Variants in EBAG9 observed in about 807,000 individuals in gnomAD.
EBAG9 encodes estrogen receptor binding site associated antigen 9.
EBAG9 carries 16 observed loss-of-function variants against 30.9 expected under a neutral mutation model. The observed-to-expected ratio is 0.52, with a 90% CI of 0.35 to 0.79. The LOEUF (loss-of-function observed/expected upper bound fraction) is 0.79, where lower values mean the gene tolerates loss of function less well. Among genes scored for constraint, EBAG9 ranks in the 30% least tolerant of loss-of-function variants. The pLI, the probability that EBAG9 is intolerant of heterozygous loss-of-function variation, is 0.01. For synonymous variants in EBAG9, 93 were observed against 82.8 expected (o/e 1.12, Z -0.67); for missense variants, 197 against 242.1 (o/e 0.81, Z 1.24).
chr8:109,561,064 T>C (rs1586695309), intron 6 of EBAG9, 135 bp downstream of exon 6: 1 of 668,786 alleles, frequency 1.5e-6, no homozygotes, highest in Non-Finnish European at 2.4e-6. Context: ...TAAGGACTTT[T>C]TTTTTTGTAT....
At chr8:109,549,135 C>A (rs1019122396) in intron 1 of EBAG9, among the ~76,000 whole-genome samples, 2 of 151,170 alleles carry the variant, frequency 1.3e-5, no homozygotes, top group Non-Finnish European at 3.0e-5. Flanking sequence ...TTGTCAAAGG[C>A]TTTTTCTGTC....
intron 6 of EBAG9, chr8:109,563,520 A>G: frequency 6.3e-7 from 1 of 1,597,244 alleles, no homozygotes; most frequent in Non-Finnish European, 8.5e-7. Flanking sequence ...GGAGTTACGG[A>G]AAGAGTAAGG....
chr8:109,541,815 G>A (rs901059467), intron 1 of EBAG9, among the ~76,000 whole-genome samples: 2 of 152,164 alleles, frequency 1.3e-5, no homozygotes, highest in Non-Finnish European at 2.9e-5. Context: ...TCATTTAGAT[G>A]AATAGGGACA....
In EBAG9 at chr8:109,560,836, A is replaced by G; in HGVS notation, c.430-2A>G. The G allele has an allele frequency of 2.5e-6, 4 of 1,608,870 alleles. No individual in the cohort carries two copies. Among genetic ancestry groups the G allele is most frequent in the Non-Finnish European group, 3.4e-6 (4 of 1,175,988 alleles). On this transcript the variant is annotated splice_acceptor_variant, in intron 5 of 6. Transcript: ENST00000337573. LOFTEE classifies it high-confidence loss of function. ...TTAATTTTGTTTTACTTTTCATTGT[A>G]GTCTGAATTAGGTGACTTAGATACC...
chr8:109,557,608 A>C (rs963464955), intron 5 of EBAG9: 1 of 451,586 alleles, frequency 2.2e-6, no homozygotes, highest in African/African-American at 2.0e-5. Flanking sequence ...GTTGTTGTGT[A>C]ACAACTCCAA....
intron 6 of EBAG9, chr8:109,563,326 C>T: frequency 6.5e-7 from 1 of 1,542,720 alleles, no homozygotes; most frequent in East Asian, 2.2e-5. Flanking sequence ...ATTCCATGCC[C>T]AATTGTGACC....
intron 1 of EBAG9, among the ~76,000 whole-genome samples, chr8:109,546,019 G>A (rs1405164328): frequency 6.6e-6 from 1 of 152,188 alleles, no homozygotes; most frequent in Non-Finnish European, 1.5e-5. Flanking sequence ...GAAATATAAA[G>A]TAAGCTATTA....
chr8:109,557,119 T>C, intron 5 of EBAG9, 77 bp downstream of exon 5: 1 of 902,060 alleles, frequency 1.1e-6, no homozygotes, highest in Non-Finnish European at 1.7e-6. Flanking sequence ...AAAATCTAAA[T>C]GAGTTTAACA....
At chr8:109,546,327 G>A (rs1821383190) in intron 1 of EBAG9, among the ~76,000 whole-genome samples, 1 of 152,114 alleles carries the variant, frequency 6.6e-6, no homozygotes, top group Non-Finnish European at 1.5e-5. Flanking sequence ...TATAATTAAA[G>A]TATACAATTT....
intron 2 of EBAG9, among the ~76,000 whole-genome samples, chr8:109,552,699 C>T (rs1586690053): frequency 6.6e-6 from 1 of 152,090 alleles, no homozygotes; most frequent in East Asian, 1.9e-4. Flanking sequence ...TAAATGTATA[C>T]ATATTTAGAA....
chr8:109,549,578 T>G (rs180914080), intron 1 of EBAG9, among the ~76,000 whole-genome samples: 255 of 152,190 alleles, frequency 1.7e-3, no homozygotes, highest in Non-Finnish European at 2.0e-3. Context: ...GTTGTTCTTC[T>G]TATGCTTTAG....
At chr8:109,549,312 A>G (rs566109846) in intron 1 of EBAG9, among the ~76,000 whole-genome samples, 10 of 152,128 alleles carry the variant, frequency 6.6e-5, no homozygotes, top group Non-Finnish European at 1.5e-4. Context: ...ATATTTGGCT[A>G]AGGAGATTTG....
At chr8:109,545,405 C>T (rs1821364403) in intron 1 of EBAG9, among the ~76,000 whole-genome samples, 1 of 147,118 alleles carries the variant, frequency 6.8e-6, no homozygotes, top group Non-Finnish European at 1.5e-5. Flanking sequence ...ACTGTGTTGC[C>T]CAGGCTGGAG....
At chr8:109,560,566 C>G (rs1201611268) in intron 5 of EBAG9, among the ~76,000 whole-genome samples, 4 of 152,076 alleles carry the variant, frequency 2.6e-5, no homozygotes, top group African/African-American at 9.7e-5. Flanking sequence ...AAATAAAGTA[C>G]AGCAAAGAAG....
chr8:109,559,827 G>A (rs1003855623), intron 5 of EBAG9, among the ~76,000 whole-genome samples: 9 of 151,398 alleles, frequency 5.9e-5, no homozygotes, highest in Non-Finnish European at 1.2e-4. Context: ...AAAAAAAAAA[G>A]GGAGAAGAAA....
chr8:109,563,281 C>CTTT (rs1471017730), intron 6 of EBAG9: 1 of 1,129,988 alleles, frequency 8.8e-7, no homozygotes, highest in African/African-American at 1.5e-5. Context: ...AGATAATCCA[C>CTTT]TTTGGATTTT....
intron 5 of EBAG9, among the ~76,000 whole-genome samples, chr8:109,558,478 T>G (rs1821647382): frequency 6.6e-6 from 1 of 152,182 alleles, no homozygotes; most frequent in Non-Finnish European, 1.5e-5. Context: ...TATTCATAAA[T>G]GTTTGATCCA....
At chr8:109,542,082 C>T (rs1388742007) in intron 1 of EBAG9, among the ~76,000 whole-genome samples, 1 of 152,124 alleles carries the variant, frequency 6.6e-6, no homozygotes, top group East Asian at 1.9e-4. Context: ...GAAACAAGGA[C>T]AATAGTATCT....
In EBAG9 at chr8:109,557,060, T is replaced by C; in HGVS notation, c.429+18T>C. On this transcript the variant is annotated intron_variant, in intron 5 of 6. Coordinates refer to ENST00000337573, the MANE Select transcript of EBAG9 (RefSeq NM_004215.5). ...ATCAGTCTGTAAGTATGTTAATGGT[T>C]CTAGGGAAGGGTTTTGTTGTATTTC... The C allele has an allele frequency of 6.7e-7, 1 of 1,485,216 alleles. No homozygotes were observed. The highest frequency in any genetic ancestry group is 1.2e-5 in the South Asian group (1 of 81,024). The allele number at this position is 1,485,216 out of a possible 1,614,324, so 92.0% of individuals were successfully genotyped here.
Sources: allele counts gnomAD v4.1 joint callset (sites outside exome capture counted in the v4.1 genomes callset), GRCh38; gene constraint gnomAD v4.1.1; transcripts MANE v1.5; gene names NCBI Gene and HGNC (gene_info 2026-07-23, HGNC 2026-07-21).